Variants in PARP15 observed in about 807,000 individuals in gnomAD.
PARP15 encodes the protein protein mono-ADP-ribosyltransferase PARP15.
In PARP15, 50 loss-of-function variants were observed where a neutral mutation model predicts 62.1. That is an observed-to-expected ratio of 0.81 (90% CI 0.64 to 1.02). The LOEUF (loss-of-function observed/expected upper bound fraction) is 1.02, where lower values mean the gene tolerates loss of function less well. Ranked by LOEUF, PARP15 falls within the 50% of genes least tolerant of loss-of-function variation. The pLI, the probability that PARP15 is intolerant of heterozygous loss-of-function variation, is 0.00. For missense variants in PARP15, 820 were observed against 826.5 expected (o/e 0.99, Z 0.10); for synonymous variants, 309 against 293.1 (o/e 1.05, Z -0.55).
chr3:122,607,488 A>G (rs188045833), intron 2 of PARP15, among the ~76,000 whole-genome samples: 2 of 152,334 alleles, frequency 1.3e-5, no homozygotes, highest in African/African-American at 4.8e-5. Context: ...GAAATAATTC[A>G]TATAAACCAC....
chr3:122,613,777 A>G (rs1935743796), intron 4 of PARP15, among the ~76,000 whole-genome samples: 1 of 146,122 alleles, frequency 6.8e-6, no homozygotes, highest in Non-Finnish European at 1.5e-5. Flanking sequence ...CAGTTTTGCC[A>G]TTTAAAAGTT....
At chr3:122,609,476 T>C (rs1935407458) in intron 2 of PARP15, among the ~76,000 whole-genome samples, 1 of 151,954 alleles carries the variant, frequency 6.6e-6, no homozygotes, top group African/African-American at 2.4e-5. Flanking sequence ...GGTGGGCAGG[T>C]CACTTGAGAT....
chr3:122,620,081 G>A (rs1002715409), intron 7 of PARP15, among the ~76,000 whole-genome samples: 1 of 152,148 alleles, frequency 6.6e-6, no homozygotes, highest in Admixed American at 6.6e-5. Context: ...ACCCAGGCCT[G>A]GGTCCTAATA....
intron 8 of PARP15, 83 bp from the exon 9 acceptor site, chr3:122,626,744 C>A: frequency 7.9e-7 from 1 of 1,264,354 alleles, no homozygotes. Context: ...TCCTGTTTCT[C>A]AGCACTGAGA....
chr3:122,587,074 A>G (rs1332049846), intron 1 of PARP15, among the ~76,000 whole-genome samples: 1 of 151,912 alleles, frequency 6.6e-6, no homozygotes, highest in Non-Finnish European at 1.5e-5. Context: ...TTTTTCACTT[A>G]GTAATATGCC....
At chr3:122,615,557 G>T in intron 4 of PARP15, 1 of 1,185,388 alleles carries the variant, frequency 8.4e-7, no homozygotes. Flanking sequence ...TACTTGCCTG[G>T]ACAGTGTTAG....
intron 8 of PARP15, among the ~76,000 whole-genome samples, chr3:122,625,875 G>A (rs1346191018): frequency 6.6e-6 from 1 of 152,182 alleles, no homozygotes; most frequent in Non-Finnish European, 1.5e-5. Flanking sequence ...AGTAAGTAGT[G>A]GAGCCAGGAC....
chr3:122,628,364 AGCT>A (rs1397787043), intron 9 of PARP15, among the ~76,000 whole-genome samples: 1 of 152,210 alleles, frequency 6.6e-6, no homozygotes, highest in Non-Finnish European at 1.5e-5. Flanking sequence ...AATGGGGAAT[AGCT>A]GTTCCCCAGA....
chr3:122,593,120 C>CTATCTATCTATCTATCTATG (rs373898846), intron 1 of PARP15, among the ~76,000 whole-genome samples: 3,758 of 30,506 alleles, frequency 0.12, 167 homozygotes, highest in African/African-American at 0.15. Context: ...ATCTATCTAT[C>CTATCTATCTATCTATCTATG]TATGTATCTA....
intron 2 of PARP15, among the ~76,000 whole-genome samples, chr3:122,609,674 G>C (rs1314886183): frequency 6.6e-6 from 1 of 150,590 alleles, no homozygotes; most frequent in East Asian, 1.9e-4. Context: ...CTCCAGCCCT[G>C]GGAACAGATC....
At chr3:122,606,147 T>C in intron 2 of PARP15, 92 bp downstream of exon 2, 1 of 1,382,666 alleles carries the variant, frequency 7.2e-7, no homozygotes, top group South Asian at 1.5e-5. Flanking sequence ...TTGTTCTTTA[T>C]CTTAATCAAA....
Position 122,635,787 on chromosome 3 carries a change from A to C in PARP15, c.1748-24A>C, listed in dbSNP as rs367822741. ...ATTGTGTAATTTTATATTCTTAGGA[A>C]GGTTTTTGTCTTTCTCTTTCCAGCT... On this transcript the variant is annotated intron_variant, in intron 11 of 11. Coordinates refer to ENST00000464300, the MANE Select transcript of PARP15 (RefSeq NM_001113523.3). 12 of 1,593,556 alleles carry C rather than the reference A, an allele frequency of 7.5e-6. No homozygotes were observed. In the African/African-American group the frequency reaches 1.1e-4, roughly 14 times the overall value.
intron 1 of PARP15, among the ~76,000 whole-genome samples, chr3:122,599,767 G>A (rs562655669): frequency 6.6e-6 from 1 of 152,120 alleles, no homozygotes; most frequent in African/African-American, 2.4e-5. Flanking sequence ...TAGAGATGGG[G>A]TTTTGCTATG....
intron 4 of PARP15, chr3:122,615,058 A>ATAGAAAGAAAG (rs367710362): frequency 1.0e-6 from 1 of 974,394 alleles, no homozygotes; most frequent in African/African-American, 1.8e-5. Context: ...AAAAGAAAAG[A>ATAGAAAGAAAG]AAAGAAAGAA....
Position 122,625,480 on chromosome 3 carries a change from C to G in PARP15, c.1232-1347C>G, listed in dbSNP as rs146055490. On this transcript the variant is annotated intron_variant, in intron 8 of 11. Coordinates refer to ENST00000464300, the MANE Select transcript of PARP15 (RefSeq NM_001113523.3). Reference sequence around the variant, plus strand: ...TATTGGCCGGTCCAGTCTCAAACTCCTGACCTGAAGTGATCTGCACGCCTT... The same window carrying G: ...TATTGGCCGGTCCAGTCTCAAACTCGTGACCTGAAGTGATCTGCACGCCTT... 4.3e-3 allele frequency among the ~76,000 whole-genome samples: 661 copies of G among 152,294 alleles called. 3 individuals are homozygous for G. The highest frequency in any genetic ancestry group is 7.3e-3 in the Non-Finnish European group (494 of 68,024).
In PARP15 at chr3:122,579,999, G is replaced by GTGTA. The variant is rs1553725409; in HGVS notation, c.186+2147_186+2148insGTAT. ...GTCTGAACAACAACAGCAACTATAT[G>GTGTA]TATATATATATATATATATATATAT... On this transcript the variant is annotated intron_variant, in intron 1 of 11. Transcript: ENST00000464300. Among the ~76,000 whole-genome samples the GTGTA allele has an allele frequency of 1.2e-3, 79 of 64,456 alleles. 1 individual carries two copies. Among genetic ancestry groups the GTGTA allele is most frequent in the African/African-American group, 2.8e-3 (57 of 20,166 alleles). 42.3% of individuals were successfully genotyped at this position (64,456 alleles called of 152,430 possible). A position where few individuals can be genotyped will look rare whatever the true frequency, so the allele number is the denominator to read the frequency against.
intron 1 of PARP15, among the ~76,000 whole-genome samples, chr3:122,593,668 A>G (rs1164974013): frequency 1.3e-5 from 2 of 152,222 alleles, no homozygotes; most frequent in African/African-American, 4.8e-5. Context: ...CATTTTTATT[A>G]TAAACACATT....
At chr3:122,630,863 C>T (rs553989448) in intron 9 of PARP15, among the ~76,000 whole-genome samples, 5 of 152,262 alleles carry the variant, frequency 3.3e-5, no homozygotes, top group African/African-American at 1.2e-4. Flanking sequence ...AGATAGAGCT[C>T]ATGGGATCTA....
Position 122,637,894 on chromosome 3 carries a change from A to G in PARP15, c.*1794A>G, listed in dbSNP as rs1252051676. On this transcript the variant is annotated 3_prime_UTR_variant, in exon 12 of 12. Transcript: ENST00000464300. ...AACATGTGCCATGTTGGTGTGCTGC[A>G]CCCAGTAACTCATCATTTAGCATTA... 1 of 152,030 alleles carries G rather than the reference A, an allele frequency of 6.6e-6. No individual in the cohort carries two copies. The highest frequency in any genetic ancestry group is 1.9e-4 in the East Asian group (1 of 5,188). The allele number at this position is 152,030 out of a possible 1,614,324, so 9.4% of individuals were successfully genotyped here.
Sources: allele counts gnomAD v4.1 joint callset (sites outside exome capture counted in the v4.1 genomes callset), GRCh38; gene constraint gnomAD v4.1.1; transcripts MANE v1.5; gene names NCBI Gene and HGNC (gene_info 2026-07-23, HGNC 2026-07-21).